RRM1: variants seen among roughly 807,000 people sequenced by gnomAD.
RRM1 encodes the protein ribonucleotide reductase catalytic subunit M1, also known as ribonucleoside-diphosphate reductase large subunit.
Under a neutral mutation model 101.5 loss-of-function variants are expected in RRM1, and 19 were observed. That is an observed-to-expected ratio of 0.19 (90% CI 0.13 to 0.27). The LOEUF (loss-of-function observed/expected upper bound fraction) is 0.27. Among genes scored for constraint, RRM1 ranks in the 10% least tolerant of loss-of-function variants. The probability of loss-of-function intolerance (pLI) is 1.00; values close to 1 mark genes in which losing one functional copy is unlikely to be tolerated. For missense variants in RRM1, 500 were observed against 962.9 expected (o/e 0.52, Z 6.36); for synonymous variants, 298 against 323.4 (o/e 0.92, Z 0.84).
At chr11:4,126,170 A>G (rs186268009) in intron 12 of RRM1, among the ~76,000 whole-genome samples, 17 of 152,352 alleles carry the variant, frequency 1.1e-4, no homozygotes, top group Non-Finnish European at 2.2e-4. Flanking sequence ...GGCTTGTCAG[A>G]ATATCAGTGA....
chr11:4,135,202 T>C lies in RRM1; in HGVS notation c.2122T>C (p.Leu708=). 1 of 1,613,836 alleles carries C rather than the reference T, an allele frequency of 6.2e-7. No homozygotes were observed. The highest frequency in any genetic ancestry group is 8.5e-7 in the Non-Finnish European group (1 of 1,179,844). Residue 708 remains leucine, a synonymous_variant, in exon 18 of 19, where the codon TTG becomes CTG. Transcript: ENST00000300738. ...RGAFIDQSQS[L]NIHIAEPNYG... is the part of the protein sequence containing the mutation. ...TGCTTTCATTGATCAAAGCCAATCTTTGAACATCCACATTGCTGAGCCTAA... is the reference window on the plus strand; with the variant it reads ...TGCTTTCATTGATCAAAGCCAATCTCTGAACATCCACATTGCTGAGCCTAA...
chr11:4,121,447 A>G (rs2094581749), intron 9 of RRM1, 157 bp from the exon 10 acceptor site: 1 of 477,700 alleles, frequency 2.1e-6, no homozygotes, highest in African/African-American at 2.0e-5. Flanking sequence ...TTTTACAATT[A>G]TATATGGAAA....
Position 4,111,966 on chromosome 11 carries a change from C to T in RRM1, c.554C>T (p.Ala185Val), listed in dbSNP as rs1274664580. Residue 185 changes from alanine to valine, a missense_variant, in exon 7 of 19, where the codon GCA (alanine) becomes GTA (valine). By Grantham distance (64) the Ala-to-Val change is moderately conservative (BLOSUM62 0). Coordinates refer to ENST00000300738, the MANE Select transcript of RRM1 (RefSeq NM_001033.5). The part of the protein sequence containing the change: ...SVGIHKEDID[A>V]AIETYNLLSE... The stretch of plus-strand genomic sequence containing the variant: ...GGGATCCACAAAGAAGACATTGATG[C>T]AGCAATTGAAACATATAATCTTCTT... The T allele has an allele frequency of 1.2e-6, 2 of 1,613,810 alleles. No individual in the cohort carries two copies. Among genetic ancestry groups the T allele is most frequent in the East Asian group, 4.5e-5 (2 of 44,874 alleles).
At chr11:4,121,920 T>G (rs1804662259) in intron 10 of RRM1, among the ~76,000 whole-genome samples, 155 bp downstream of exon 10, 1 of 152,258 alleles carries the variant, frequency 6.6e-6, no homozygotes, top group Admixed American at 6.5e-5. Flanking sequence ...TGTCTTCTTA[T>G]ATTTCTATTC....
intron 2 of RRM1, 89 bp downstream of exon 2, chr11:4,102,170 A>G (rs1280280705): frequency 1.4e-6 from 1 of 717,530 alleles, no homozygotes; most frequent in African/African-American, 1.8e-5. Context: ...TTCACCTGAT[A>G]TACTTTGGTA....
chr11:4,095,569 G>T (rs1406934517), intron 1 of RRM1, among the ~76,000 whole-genome samples: 3 of 152,150 alleles, frequency 2.0e-5, no homozygotes, highest in African/African-American at 7.2e-5. Context: ...TCTCTTTTGT[G>T]GGGTGAGGAT....
chr11:4,124,664 A>G (rs961447141), intron 12 of RRM1, among the ~76,000 whole-genome samples: 6 of 151,442 alleles, frequency 4.0e-5, no homozygotes, highest in Non-Finnish European at 8.8e-5. Flanking sequence ...GCACAAAACT[A>G]CTCTTTGGCT....
At chr11:4,106,021 G>C (rs112272010) in intron 2 of RRM1, 25 bp from the exon 3 acceptor site, 1 of 1,597,294 alleles carries the variant, frequency 6.3e-7, no homozygotes, top group African/African-American at 1.4e-5. Flanking sequence ...GAAAGCTCAA[G>C]TAATTCTTGG....
At chr11:4,126,165 G>C (rs538593461) in intron 12 of RRM1, among the ~76,000 whole-genome samples, 18 of 152,330 alleles carry the variant, frequency 1.2e-4, no homozygotes, top group Non-Finnish European at 1.8e-4. Context: ...CTAAGGGCTT[G>C]TCAGAATATC....
intron 15 of RRM1, among the ~76,000 whole-genome samples, chr11:4,130,963 CACCCCCCAA>C (rs2094599030): frequency 6.6e-6 from 1 of 151,954 alleles, no homozygotes; most frequent in South Asian, 2.1e-4. Context: ...GGTGGAGAAC[CACCCCCCAA>C]AAAAAGTAAA....
chr11:4,102,155 C>G, intron 2 of RRM1, 74 bp downstream of exon 2: 1 of 772,928 alleles, frequency 1.3e-6, no homozygotes, highest in South Asian at 1.5e-5. Context: ...ATCCCTGGAC[C>G]TTCATTCACC....
At position 4,133,622 on chromosome 11, in the gene RRM1, G is replaced by A; in HGVS notation, c.1965G>A (p.Met655Ile). Residue 655 changes from methionine (M) to isoleucine (I), a missense_variant, in exon 17 of 19, where the codon ATG (methionine) becomes ATA (isoleucine). Transcript: ENST00000300738. ...LTERGLWHEEMKNQIIACNGS... is the reference protein window; with the variant it reads ...LTERGLWHEEIKNQIIACNGS... ...AGCGGGGCCTATGGCATGAAGAGAT[G>A]AAAAACCAGATTATTGCATGCAATG... 6.2e-7 allele frequency: 1 copy of A among 1,611,544 alleles called. No homozygotes were observed. The highest frequency in any genetic ancestry group is 8.5e-7 in the Non-Finnish European group (1 of 1,178,274).
Position 4,124,655 on chromosome 11 carries a change from C to A in RRM1, c.1320+1271C>A, listed in dbSNP as rs372906500. Among the ~76,000 whole-genome samples the A allele has an allele frequency of 5.9e-5, 9 of 152,082 alleles. 1 individual carries two copies. The highest frequency in any genetic ancestry group is 2.2e-4 in the African/African-American group (9 of 41,506). ...AAAATCAGATAATGTCATTTGTCTGCACAAAACTACTCTTTGGCTTGCTAA... is the reference window on the plus strand; with the variant it reads ...AAAATCAGATAATGTCATTTGTCTGAACAAAACTACTCTTTGGCTTGCTAA... On this transcript the variant is annotated intron_variant, in intron 12 of 18. Transcript: ENST00000300738.
intron 2 of RRM1, 46 bp from the exon 3 acceptor site, chr11:4,106,000 T>C: frequency 3.3e-6 from 5 of 1,526,148 alleles, no homozygotes; most frequent in South Asian, 1.1e-5. Context: ...AAGGAAGCTA[T>C]TGTTTCTTGG....
chr11:4,136,989 T>G (rs997315585), intron 18 of RRM1: 1 of 162,522 alleles, frequency 6.2e-6, no homozygotes, highest in Non-Finnish European at 1.3e-5. Context: ...GCATGCTGCC[T>G]TCAAGCATCT....
At position 4,123,086 on chromosome 11, in the gene RRM1, A is replaced by G. The variant is rs901661482; in HGVS notation, c.1119-97A>G. The G allele has an allele frequency of 2.2e-5, 20 of 915,608 alleles. No individual in the cohort carries two copies. In the African/African-American group the frequency reaches 3.2e-4, roughly 15 times the overall value. 56.7% of individuals were successfully genotyped at this position (915,608 alleles called of 1,614,324 possible). ...TTTAGCAAAACTTAGAGAAAATTTA[A>G]GAGTTTTCATAACTTTATATTTTAA... On this transcript the variant is annotated intron_variant, in intron 11 of 18. Transcript: ENST00000300738.
chr11:4,094,829 G>T lies in RRM1; in HGVS notation c.-184G>T. ...TGTGCGTCACGGGTGGCGGGCGCGG[G>T]AAGGGGATTTGGATTGTTGCGCCTC... On this transcript the variant is annotated 5_prime_UTR_variant, in exon 1 of 19. Coordinates refer to ENST00000300738, the MANE Select transcript of RRM1 (RefSeq NM_001033.5). 3.2e-6 allele frequency: 2 copies of T among 628,530 alleles called. No homozygotes were observed. The highest frequency in any genetic ancestry group is 5.6e-6 in the Non-Finnish European group (2 of 354,494). 38.9% of individuals were successfully genotyped at this position (628,530 alleles called of 1,614,324 possible).
Position 4,113,788 on chromosome 11 carries a change from A to G in RRM1, c.650+1726A>G, listed in dbSNP as rs1590719498. Reference sequence around the variant, plus strand: ...TGTAGGCCTTTGTATTACCATGGTAAGTATTTGTGTATCCAAACATATCAC... The same window carrying G: ...TGTAGGCCTTTGTATTACCATGGTAGGTATTTGTGTATCCAAACATATCAC... On this transcript the variant is annotated intron_variant, in intron 7 of 18. Coordinates refer to ENST00000300738, the MANE Select transcript of RRM1 (RefSeq NM_001033.5). 3.9e-5 allele frequency among the ~76,000 whole-genome samples: 6 copies of G among 152,224 alleles called. No individual in the cohort carries two copies. In the East Asian group the frequency reaches 1.2e-3, roughly 29 times the overall value.
rs1280405397 is a variant in RRM1, at chr11:4,095,112, G to A, written c.19+81G>A. The stretch of plus-strand genomic sequence containing the variant: ...GCCGGAGCTGATGCCCAGACCGCCC[G>A]CCCGCCTTCGCTGCTTCCCGCCTTT... On this transcript the variant is annotated intron_variant, in intron 1 of 18. Coordinates refer to ENST00000300738, the MANE Select transcript of RRM1 (RefSeq NM_001033.5). The A allele has an allele frequency of 3.9e-6, 5 of 1,293,910 alleles. No individual in the cohort carries two copies. The African/African-American group carries it at 4.5e-5, about 12-fold the overall frequency. The allele number at this position is 1,293,910 out of a possible 1,614,324, so 80.2% of individuals were successfully genotyped here. A position where few individuals can be genotyped will look rare whatever the true frequency, so the allele number is the denominator to read the frequency against.
Sources: allele counts gnomAD v4.1 joint callset (sites outside exome capture counted in the v4.1 genomes callset), GRCh38; gene constraint gnomAD v4.1.1; transcripts MANE v1.5; gene names NCBI Gene and HGNC (gene_info 2026-07-23, HGNC 2026-07-21).